The following KIF7 variants were observed in gnomAD, a reference collection of about 807,000 sequenced individuals.
KIF7 encodes the protein kinesin-like protein KIF7.
In KIF7, 104 loss-of-function variants were observed where a neutral mutation model predicts 135.7. The observed-to-expected ratio is 0.77, with a 90% CI of 0.65 to 0.90. KIF7 has a LOEUF of 0.90. Among genes scored for constraint, KIF7 ranks in the 40% least tolerant of loss-of-function variants. The probability of loss-of-function intolerance (pLI) is 0.00; values close to 1 mark genes in which losing one functional copy is unlikely to be tolerated. For missense variants in KIF7, 2,005 were observed against 1,839.1 expected, an observed-to-expected ratio of 1.09 and a Z score of -1.65; for synonymous variants, 883 against 809.4, an observed-to-expected ratio of 1.09 and a Z score of -1.54.
intron 11 of KIF7, among the ~76,000 whole-genome samples, chr15:89,640,661 G>A (rs933025497): frequency 2.0e-5 from 3 of 151,998 alleles, no homozygotes; most frequent in Admixed American, 1.3e-4. Context: ...AGGGACAGAT[G>A]GCTAGGTGGG....
chr15:89,660,044 A>G (rs1166097176), upstream of KIF7, among the ~76,000 whole-genome samples: 1 of 152,184 alleles, frequency 6.6e-6, no homozygotes, highest in African/African-American at 2.4e-5. Flanking sequence ...TGAAAATACA[A>G]AAATTTAGCC....
At chr15:89,630,111 T>A in intron 16 of KIF7, 176 bp downstream of exon 16, 2 of 656,672 alleles carry the variant, frequency 3.0e-6, no homozygotes, top group Non-Finnish European at 5.3e-6. Context: ...GGAAACTGGG[T>A]CTTAGTTTCA....
chr15:89,639,111 C>G lies in KIF7; in HGVS notation c.2394+3092G>C, dbSNP rs575632282. On this transcript the variant is annotated intron_variant, in intron 11 of 18. Transcript: ENST00000394412. ...ATATGTAGAAAGCTGAAACTGGATC[C>G]CTTCCTTACACCTTATACAAAAATC... Among the ~76,000 whole-genome samples the G allele has an allele frequency of 3.5e-3, 530 of 152,062 alleles. 2 individuals are homozygous for G. The highest frequency in any genetic ancestry group is 4.8e-3 in the Non-Finnish European group (328 of 67,958).
At chr15:89,627,078 G>A, downstream of KIF7, 1 of 1,613,996 alleles carries the variant, frequency 6.2e-7, no homozygotes, top group Non-Finnish European at 8.5e-7. Flanking sequence ...CTGGCTGGAG[G>A]ACTTATAGCC....
chr15:89,633,164 C>G lies in KIF7; in HGVS notation c.2695G>C (p.Val899Leu), dbSNP rs139174072. ...ACCTGCTGCTGTTCCAGGCTGACCA[C>G]AGAGCCGTTGCTGCCACTGCGCCTC... ...RKRRSGSNGS[V>L]VSLEQQQKIE... is the part of the protein sequence containing the mutation. The change falls in exon 13 of 19, where the codon GTG (valine) becomes CTG (leucine). Residue 899 changes from valine (V) to leucine (L), a missense_variant. Coordinates refer to ENST00000394412, the MANE Select transcript of KIF7 (RefSeq NM_198525.3). 12 of 1,603,880 alleles carry G rather than the reference C, an allele frequency of 7.5e-6. No homozygotes were observed. The African/African-American group carries it at 1.6e-4, about 21-fold the overall frequency.
chr15:89,627,218 T>C, downstream of KIF7: 2 of 1,102,986 alleles, frequency 1.8e-6, no homozygotes, highest in Non-Finnish European at 2.6e-6. Flanking sequence ...TGCCTTAGGG[T>C]TTTCTAATTC....
downstream of KIF7, chr15:89,625,241 GC>G (rs758038174): frequency 6.2e-7 from 1 of 1,613,648 alleles, no homozygotes; most frequent in Non-Finnish European, 8.5e-7. Flanking sequence ...ACCTACATCT[GC>G]CAGGCCTGTA....
rs773135230 is a variant in KIF7 at position 89,645,410 on chromosome 15, G to C, written c.1964C>G (p.Pro655Arg). Residue 655 changes from proline to arginine, a missense_variant, in exon 9 of 19, where the codon CCA (proline) becomes CGA (arginine). Pro to Arg is a moderately radical substitution (Grantham distance 103). Transcript: ENST00000394412. ...GCCCTTCCTCTCTGGCAGACTCCCT[G>C]GGCGTGCCCCCGCCCTCTGACTGCA... Reference protein sequence around the residue: ...SNCSQRAGARPGSLPERKGPE... With the variant: ...SNCSQRAGARRGSLPERKGPE... 1.4e-5 allele frequency: 22 copies of C among 1,613,922 alleles called. No homozygotes were observed. The East Asian group carries it at 4.5e-4, about 33-fold the overall frequency.
rs1964057053 is a variant in KIF7, at chr15:89,648,429, C to T, written c.1269G>A (p.Leu423=). Residue 423 remains leucine, a synonymous_variant, in exon 5 of 19, where the codon TTG becomes TTA. Transcript: ENST00000394412. ...GCCCGGGCTCGGCCTGCAGCTCGCGCAAGAGGCTGTAGGCGGCGTCGGTGC... is the reference window on the plus strand; with the variant it reads ...GCCCGGGCTCGGCCTGCAGCTCGCGTAAGAGGCTGTAGGCGGCGTCGGTGC... The part of the protein sequence containing the change: ...RACTDAAYSL[L]RELQAEPGLP... 5.4e-6 allele frequency: 6 copies of T among 1,114,968 alleles called. No homozygotes were observed. Among genetic ancestry groups the T allele is most frequent in the Non-Finnish European group, 6.6e-6 (6 of 913,120 alleles). 69.1% of individuals were successfully genotyped at this position (1,114,968 alleles called of 1,614,324 possible). A position where few individuals can be genotyped will look rare whatever the true frequency, so the allele number is the denominator to read the frequency against.
At chr15:89,636,165 G>C (rs1206169550) in intron 11 of KIF7, among the ~76,000 whole-genome samples, 1 of 151,958 alleles carries the variant, frequency 6.6e-6, no homozygotes, top group African/African-American at 2.4e-5. Context: ...CCCTAAAAGA[G>C]CTCCTGAAGG....
At chr15:89,635,108 C>T (rs1475848633) in intron 11 of KIF7, among the ~76,000 whole-genome samples, 2 of 151,882 alleles carry the variant, frequency 1.3e-5, no homozygotes, top group African/African-American at 2.4e-5. Context: ...AGACCTGCAG[C>T]TGAGGGTCCT....
rs1408166081 is a variant in KIF7, at chr15:89,629,070, A to C, written c.3570T>G (p.Ile1190Met). 6.2e-7 allele frequency: 1 copy of C among 1,613,034 alleles called. No homozygotes were observed. Among genetic ancestry groups the C allele is most frequent in the African/African-American group, 1.3e-5 (1 of 74,456 alleles). The change falls in exon 18 of 19, where the codon ATT becomes ATG. Residue 1190 changes from isoleucine to methionine, a missense_variant. Coordinates refer to ENST00000394412, the MANE Select transcript of KIF7 (RefSeq NM_198525.3). Reference protein sequence around the residue: ...ADSRRQYEARIQALEKELGRY... With the variant: ...ADSRRQYEARMQALEKELGRY... ...GGCCCAGTTCCTTCTCCAGAGCTTGAATCCGGGCCTCATACTGCCTCCTGC... is the reference window on the plus strand; with the variant it reads ...GGCCCAGTTCCTTCTCCAGAGCTTGCATCCGGGCCTCATACTGCCTCCTGC...
chr15:89,646,066 C>G, intron 7 of KIF7, 40 bp from the exon 8 acceptor site: 1 of 1,612,050 alleles, frequency 6.2e-7, no homozygotes, highest in Non-Finnish European at 8.5e-7. Flanking sequence ...GTCATCATCC[C>G]TGCGATATAC....
chr15:89,648,162 G>A, intron 5 of KIF7, 93 bp downstream of exon 5: 1 of 1,352,282 alleles, frequency 7.4e-7, no homozygotes, highest in South Asian at 1.7e-5. Flanking sequence ...TGGGCAGGAG[G>A]CAGGGGCGCA....
chr15:89,642,276 A>G lies in KIF7; in HGVS notation c.2321T>C (p.Leu774Pro), dbSNP rs762864604. Reference sequence around the variant, plus strand: ...CCGAGACCGCTCGCCAGCATCCTGGAGCTCCTTGCCCTCGAGCTCCCGCAG... The same window carrying G: ...CCGAGACCGCTCGCCAGCATCCTGGGGCTCCTTGCCCTCGAGCTCCCGCAG... ...RQLRELEGKELQDAGERSRLQ... is the reference protein window; with the variant it reads ...RQLRELEGKEPQDAGERSRLQ... Residue 774 changes from leucine (L) to proline (P), a missense_variant, in exon 11 of 19, where the codon CTC becomes CCC. By Grantham distance (98) the Leu-to-Pro change is moderately conservative. Coordinates refer to ENST00000394412, the MANE Select transcript of KIF7 (RefSeq NM_198525.3). The G allele has an allele frequency of 4.2e-5, 67 of 1,610,116 alleles. No individual in the cohort carries two copies. Among genetic ancestry groups the G allele is most frequent in the Middle Eastern group, 3.6e-4 (2 of 5,592 alleles).
rs775083772 is a variant in KIF7, at chr15:89,629,442, G to A, written c.3450C>T (p.Asp1150=). 2 of 1,609,248 alleles carry A rather than the reference G, an allele frequency of 1.2e-6. No homozygotes were observed. The highest frequency in any genetic ancestry group is 8.5e-7 in the Non-Finnish European group (1 of 1,179,904). The change falls in exon 17 of 19, where the codon GAC becomes GAT. Residue 1150 remains aspartate (D), a synonymous_variant. Coordinates refer to ENST00000394412, the MANE Select transcript of KIF7 (RefSeq NM_198525.3). The part of the protein sequence containing the change: ...VALERQRLEM[D]RQLTLQQKEH... ...CCTTCTGCTGCAGGGTCAGCTGGCGGTCCATCTCCAGGCGCTGCCGCTCCA... is the reference window on the plus strand; with the variant it reads ...CCTTCTGCTGCAGGGTCAGCTGGCGATCCATCTCCAGGCGCTGCCGCTCCA...
In KIF7 at chr15:89,628,592, GCTC is replaced by G; in HGVS notation, c.3856_3858del (p.Glu1286del). 1 of 1,613,516 alleles carries G rather than the reference GCTC, an allele frequency of 6.2e-7. No homozygotes were observed. The highest frequency in any genetic ancestry group is 2.2e-5 in the East Asian group (1 of 44,862). On this transcript the variant is annotated inframe_deletion, in exon 19 of 19. Coordinates refer to ENST00000394412, the MANE Select transcript of KIF7 (RefSeq NM_198525.3). ...TGCCTCAGTTCCTCGGGGGACCCCT[GCTC>G]CTCACCACACAGGCTCGAGCGTTTC...
rs1408447908 is a variant in KIF7 at position 89,631,353 on chromosome 15, CCCACCT to C, written c.3111+136_3111+141del. ...AGGGCCAGGCCAGCCCTCCCCAGCC[CCCACCT>C]CCACCTAACAGTGAAAACTTGGGTC... On this transcript the variant is annotated intron_variant, in intron 15 of 18. Transcript: ENST00000394412. 3.7e-5 allele frequency: 28 copies of C among 749,454 alleles called. No homozygotes were observed. In the East Asian group the frequency reaches 6.8e-4, roughly 18 times the overall value. 46.4% of individuals were successfully genotyped at this position (749,454 alleles called of 1,614,324 possible). A position where few individuals can be genotyped will look rare whatever the true frequency, so the allele number is the denominator to read the frequency against.
In KIF7 at chr15:89,628,315, T is replaced by G; in HGVS notation, c.*104A>C. ...GTGAGGGTACAGATGAGGGCCTGGA[T>G]TTAGGGTGTGCGGTAAGGACTGCCC... On this transcript the variant is annotated 3_prime_UTR_variant, in exon 19 of 19. Transcript: ENST00000394412. The G allele has an allele frequency of 2.1e-6, 3 of 1,440,760 alleles. No individual in the cohort carries two copies. Among genetic ancestry groups the G allele is most frequent in the Non-Finnish European group, 1.9e-6 (2 of 1,067,440 alleles). 89.2% of individuals were successfully genotyped at this position (1,440,760 alleles called of 1,614,324 possible).
Sources: gnomAD v4.1 joint callset for allele counts (sites outside exome capture counted in the v4.1 genomes callset) on GRCh38, gnomAD v4.1.1 for gene constraint, MANE v1.5 for transcripts, NCBI Gene and HGNC (gene_info 2026-07-23, HGNC 2026-07-21) for gene names.